Variants in PTPRM observed in about 807,000 individuals in gnomAD.
PTPRM encodes receptor-type tyrosine-protein phosphatase mu.
Under a neutral mutation model 186.7 loss-of-function variants are expected in PTPRM, and 47 were observed. That is an observed-to-expected ratio of 0.25 (90% confidence interval 0.20 to 0.32). The LOEUF (loss-of-function observed/expected upper bound fraction) is 0.32. PTPRM is among the 10% of genes least tolerant of loss of function. The pLI is 1.00. For missense variants in PTPRM, 1,494 were observed against 1,865.0 expected (o/e 0.80, Z 3.66); for synonymous variants, 668 against 674.9 (o/e 0.99, Z 0.16).
chr18:7,812,718 A>C (rs898318612), intron 2 of PTPRM, among the ~76,000 whole-genome samples: 1 of 151,738 alleles, frequency 6.6e-6, no homozygotes, highest in Non-Finnish European at 1.5e-5. Context: ...TGAGACTTGG[A>C]AAGTTTTTTT....
intron 20 of PTPRM, among the ~76,000 whole-genome samples, chr18:8,298,092 G>A (rs1410282887): frequency 6.6e-6 from 1 of 152,220 alleles, no homozygotes; most frequent in African/African-American, 2.4e-5. Flanking sequence ...CAGTAGTCTA[G>A]CGCCGTGACA....
At chr18:8,168,439 T>C (rs1262770715) in intron 14 of PTPRM, among the ~76,000 whole-genome samples, 2 of 152,188 alleles carry the variant, frequency 1.3e-5, no homozygotes, top group Admixed American at 6.5e-5. Context: ...TTAGCAAAAA[T>C]AAGTGTATAG....
In PTPRM at chr18:7,668,301, T is replaced by TC. The variant is rs1195557951; in HGVS notation, c.73+100414dup. On this transcript the variant is annotated intron_variant, in intron 1 of 32. Transcript: ENST00000580170. This position sits in a 1 kb window ranked among gnomAD's most constrained non-coding sequence, Gnocchi z 4.7. ...TTTTGGGTCCTGGTAATGGTGGTTT[T>TC]CCCCACTTCTGTCACTTACCACCCA... 2.0e-5 allele frequency among the ~76,000 whole-genome samples: 3 copies of TC among 152,282 alleles called. No individual in the cohort carries two copies. The highest frequency in any genetic ancestry group is 3.4e-3 in the Middle Eastern group (1 of 294).
chr18:7,857,102 T>C (rs1039523171), intron 2 of PTPRM, among the ~76,000 whole-genome samples: 3 of 152,166 alleles, frequency 2.0e-5, no homozygotes, highest in African/African-American at 7.2e-5. Flanking sequence ...TCCTGCAGAA[T>C]GAGTTTCTGG....
intron 14 of PTPRM, among the ~76,000 whole-genome samples, chr18:8,181,739 C>T (rs1249540781): frequency 2.0e-5 from 3 of 152,104 alleles, no homozygotes; most frequent in Non-Finnish European, 2.9e-5. Context: ...AAGATGAATC[C>T]GCATCAGGCT....
intron 13 of PTPRM, among the ~76,000 whole-genome samples, chr18:8,119,746 G>T (rs1392085060): frequency 6.6e-6 from 1 of 152,018 alleles, no homozygotes; most frequent in Admixed American, 6.6e-5. Flanking sequence ...GTAAATGCTG[G>T]CTCAACAAGC....
intron 7 of PTPRM, among the ~76,000 whole-genome samples, chr18:8,008,005 C>T (rs762755034): frequency 6.6e-6 from 1 of 152,076 alleles, no homozygotes; most frequent in African/African-American, 2.4e-5. Context: ...AAAGTGACAG[C>T]ACATCTTTGC....
chr18:8,138,968 G>A (rs190129313), intron 13 of PTPRM, among the ~76,000 whole-genome samples: 9 of 152,028 alleles, frequency 5.9e-5, no homozygotes, highest in South Asian at 4.2e-4. Context: ...TCCTTGACCC[G>A]CCATTGTTTC....
At chr18:8,378,148 G>A in intron 26 of PTPRM, 117 bp from the exon 27 acceptor site, 1 of 1,076,872 alleles carries the variant, frequency 9.3e-7, no homozygotes, top group Non-Finnish European at 1.3e-6. Context: ...CTTGGACCGT[G>A]TTTCTCTCTG....
chr18:7,794,370 C>T (rs1292447451), intron 2 of PTPRM, among the ~76,000 whole-genome samples: 2 of 152,124 alleles, frequency 1.3e-5, no homozygotes, highest in Non-Finnish European at 2.9e-5. Flanking sequence ...TCTGTATGCT[C>T]CCCTAGAGAT....
At chr18:8,299,220 C>T (rs1002731307) in intron 20 of PTPRM, among the ~76,000 whole-genome samples, 5 of 152,106 alleles carry the variant, frequency 3.3e-5, no homozygotes, top group Admixed American at 2.0e-4. Context: ...ACCCGTTGCT[C>T]GTCACAGCTG....
rs190289580 is a variant in PTPRM, at chr18:8,248,350, A to G, written c.2554+174A>G. ...AAAGGAAAAAGAGACTTTTCTCTAA[A>G]CAGTCGCCATTAATAAGAGGGGTTT... is the stretch of plus-strand genomic sequence containing the variant. On this transcript the variant is annotated intron_variant, in intron 17 of 32. Transcript: ENST00000580170. 3.2e-4 allele frequency: 231 copies of G among 726,426 alleles called. 2 individuals carry two copies. The East Asian group carries it at 5.8e-3, about 18-fold the overall frequency. The allele number at this position is 726,426 out of a possible 1,614,324, so 45.0% of individuals were successfully genotyped here. A position where few individuals can be genotyped will look rare whatever the true frequency, so the allele number is the denominator to read the frequency against.
intron 1 of PTPRM, among the ~76,000 whole-genome samples, chr18:7,621,588 T>C (rs941145648): frequency 1.3e-5 from 2 of 152,198 alleles, no homozygotes; most frequent in African/African-American, 2.4e-5. Flanking sequence ...AGGGTATTTT[T>C]ACTGCCCTAA....
chr18:7,785,150 A>G lies in PTPRM; in HGVS notation c.196+10879A>G, dbSNP rs12966429. ...AATGGGAAGAGGAAGAGGTCCAGAC[A>G]TAGGCGATGAGCTGGTGAAGGATAT... On this transcript the variant is annotated intron_variant, in intron 2 of 32. Coordinates refer to ENST00000580170, the MANE Select transcript of PTPRM (RefSeq NM_001105244.2). Among the ~76,000 whole-genome samples, 752 of 152,314 alleles carry G rather than the reference A, an allele frequency of 4.9e-3. 10 individuals are homozygous for G. The highest frequency in any genetic ancestry group is 6.5e-3 in the Non-Finnish European group (441 of 68,020).
chr18:7,892,490 C>T (rs2049131452), intron 3 of PTPRM, among the ~76,000 whole-genome samples: 1 of 152,172 alleles, frequency 6.6e-6, no homozygotes, highest in Non-Finnish European at 1.5e-5. Context: ...ACATATTTCA[C>T]CTTCCCAATT....
At chr18:8,008,115 T>C (rs753390809) in intron 7 of PTPRM, among the ~76,000 whole-genome samples, 20 of 152,192 alleles carry the variant, frequency 1.3e-4, no homozygotes, top group Non-Finnish European at 2.9e-4. Flanking sequence ...GTGTGAAGAA[T>C]GGAAAATCGA....
chr18:8,133,018 G>C (rs1459921313), intron 13 of PTPRM, among the ~76,000 whole-genome samples: 1 of 152,124 alleles, frequency 6.6e-6, no homozygotes, highest in Non-Finnish European at 1.5e-5. Context: ...AGAGCATTTT[G>C]CTGGTATCTG....
At chr18:8,304,356 G>A (rs2095195679) in intron 20 of PTPRM, among the ~76,000 whole-genome samples, 1 of 152,138 alleles carries the variant, frequency 6.6e-6, no homozygotes, top group South Asian at 2.1e-4. Context: ...TCCAATGCAT[G>A]CCTATGTACA....
At chr18:7,763,346 G>T (rs2041868220) in intron 1 of PTPRM, among the ~76,000 whole-genome samples, 1 of 152,192 alleles carries the variant, frequency 6.6e-6, no homozygotes, top group Admixed American at 6.5e-5. Context: ...TAATTTCTTA[G>T]TTTCAGCTTG....
Sources: gnomAD v4.1 joint callset for allele counts (sites outside exome capture counted in the v4.1 genomes callset) on GRCh38, gnomAD v4.1.1 for gene constraint, Gnocchi (gnomAD v3.1) non-coding constraint, MANE v1.5 for transcripts, NCBI Gene and HGNC (gene_info 2026-07-23, HGNC 2026-07-21) for gene names.